MGAT4A: variants seen among roughly 807,000 people sequenced by gnomAD.
The protein encoded by MGAT4A is N-acetylglucosaminyltransferase IVa.
A neutral mutation model predicts 74.1 loss-of-function variants in MGAT4A; 33 were observed. The observed-to-expected ratio is 0.45, with a 90% CI of 0.34 to 0.60. MGAT4A has a LOEUF of 0.60. Ranked by LOEUF, MGAT4A falls within the 20% of genes least tolerant of loss-of-function variation. The probability of loss-of-function intolerance (pLI) is 0.02; values close to 1 mark genes in which losing one functional copy is unlikely to be tolerated. For synonymous variants in MGAT4A, 198 were observed against 210.4 expected, an observed-to-expected ratio of 0.94 and a Z score of 0.51; for missense variants, 479 against 628.3, an observed-to-expected ratio of 0.76 and a Z score of 2.54.
intron 2 of MGAT4A, among the ~76,000 whole-genome samples, chr2:98,692,400 A>G (rs1702208017): frequency 6.6e-6 from 1 of 152,126 alleles, no homozygotes; most frequent in South Asian, 2.1e-4. Context: ...CACTACCCCT[A>G]GCCAGGTTAA....
intron 8 of MGAT4A, among the ~76,000 whole-genome samples, chr2:98,648,007 G>A (rs903323100): frequency 1.3e-5 from 2 of 152,166 alleles, no homozygotes; most frequent in African/African-American, 4.8e-5. Context: ...AATGTCACAG[G>A]TAAAATCTAA....
At chr2:98,695,797 C>G (rs1702264571) in intron 2 of MGAT4A, among the ~76,000 whole-genome samples, 1 of 151,646 alleles carries the variant, frequency 6.6e-6, no homozygotes, top group Admixed American at 6.6e-5. Context: ...TTAACCAGGT[C>G]TGCAAGTGAC....
At chr2:98,725,252 A>C (rs533053328) in intron 2 of MGAT4A, among the ~76,000 whole-genome samples, 2 of 152,304 alleles carry the variant, frequency 1.3e-5, no homozygotes, top group Admixed American at 6.5e-5. Flanking sequence ...AAAGACAAAG[A>C]AGGGGAAAAG....
At chr2:98,683,393 G>C (rs892328419) in intron 2 of MGAT4A, among the ~76,000 whole-genome samples, 5 of 152,152 alleles carry the variant, frequency 3.3e-5, no homozygotes, top group Non-Finnish European at 7.3e-5. Context: ...AATTATTTAG[G>C]GGTAAAGAGG....
chr2:98,707,083 C>T (rs554675923), intron 2 of MGAT4A, among the ~76,000 whole-genome samples: 3 of 152,098 alleles, frequency 2.0e-5, no homozygotes, highest in African/African-American at 7.2e-5. Context: ...GGTGTGGTGG[C>T]GGGTGCCTGT....
chr2:98,716,612 G>A (rs146014691), intron 2 of MGAT4A, among the ~76,000 whole-genome samples: 2 of 152,294 alleles, frequency 1.3e-5, no homozygotes, highest in East Asian at 1.9e-4. Context: ...GCTACAGAGC[G>A]AAACTCCATC....
At chr2:98,647,322 T>C (rs1417071796) in intron 8 of MGAT4A, among the ~76,000 whole-genome samples, 1 of 152,122 alleles carries the variant, frequency 6.6e-6, no homozygotes, top group Non-Finnish European at 1.5e-5. Context: ...TTATTTTTAT[T>C]TTTTATTTTT....
chr2:98,645,743 A>T (rs1701474632), intron 8 of MGAT4A, among the ~76,000 whole-genome samples: 1 of 152,236 alleles, frequency 6.6e-6, no homozygotes, highest in Admixed American at 6.5e-5. Flanking sequence ...AAGTCAACTA[A>T]GCCACTCCTT....
At chr2:98,720,359 G>C (rs913563833) in intron 2 of MGAT4A, among the ~76,000 whole-genome samples, 5 of 152,210 alleles carry the variant, frequency 3.3e-5, no homozygotes, top group African/African-American at 1.2e-4. Context: ...CAAAAAGGTG[G>C]AGGAAGGGCA....
chr2:98,730,881 G>A (rs1455176317), intron 1 of MGAT4A, among the ~76,000 whole-genome samples, 167 bp downstream of exon 1: 2 of 143,258 alleles, frequency 1.4e-5, no homozygotes, highest in African/African-American at 5.1e-5. Context: ...ACAGAGCTCC[G>A]GCCGGGCCGC....
intron 4 of MGAT4A, among the ~76,000 whole-genome samples, chr2:98,670,910 T>C (rs754949097): frequency 1.3e-5 from 2 of 152,202 alleles, no homozygotes; most frequent in Non-Finnish European, 2.9e-5. Flanking sequence ...CAGATCTAAA[T>C]ATCCAACTGC....
chr2:98,689,291 A>G (rs1198289318), intron 2 of MGAT4A, among the ~76,000 whole-genome samples: 1 of 152,250 alleles, frequency 6.6e-6, no homozygotes, highest in African/African-American at 2.4e-5. Context: ...CAGCAAAGAC[A>G]TCTGACAACT....
In MGAT4A at chr2:98,639,913, T is replaced by A; in HGVS notation, c.1217A>T (p.His406Leu). The A allele has an allele frequency of 6.2e-7, 1 of 1,614,184 alleles. No homozygotes were observed. Among genetic ancestry groups the A allele is most frequent in the Non-Finnish European group, 8.5e-7 (1 of 1,180,006 alleles). ...TCCCATGTAAGTTTTCTCCAGCGTATGCCCTTGGTAGACCTTCAAGGAAGT... is the reference window on the plus strand; with the variant it reads ...TCCCATGTAAGTTTTCTCCAGCGTAAGCCCTTGGTAGACCTTCAAGGAAGT... ...VSTSLKVYQG[H>L]TLEKTYMGED... Residue 406 changes from histidine (H) to leucine (L), a missense_variant, in exon 12 of 16, where the codon CAT becomes CTT. Around this residue, in one of 3 missense-constraint regions of MGAT4A, gnomAD observed 236 missense variants for 308.2 expected, o/e 0.77. Coordinates refer to ENST00000393487, the MANE Select transcript of MGAT4A (RefSeq NM_012214.3).
intron 4 of MGAT4A, among the ~76,000 whole-genome samples, chr2:98,673,588 G>A (rs1701939619): frequency 6.6e-6 from 1 of 152,164 alleles, no homozygotes. Flanking sequence ...TTGGAAAGCT[G>A]GTTGACCAAG....
chr2:98,668,150 A>T (rs1245139545), intron 4 of MGAT4A, among the ~76,000 whole-genome samples: 2 of 152,240 alleles, frequency 1.3e-5, no homozygotes, highest in South Asian at 4.1e-4. Context: ...AGTAATGAGG[A>T]ACTGAATGGT....
intron 8 of MGAT4A, among the ~76,000 whole-genome samples, chr2:98,653,957 C>T (rs1701619579): frequency 6.6e-6 from 1 of 152,118 alleles, no homozygotes; most frequent in African/African-American, 2.4e-5. Flanking sequence ...GAATTATATA[C>T]ACCATAACCA....
chr2:98,700,025 A>T (rs1453868805), intron 2 of MGAT4A, among the ~76,000 whole-genome samples: 1 of 152,154 alleles, frequency 6.6e-6, no homozygotes, highest in Non-Finnish European at 1.5e-5. Flanking sequence ...GTTAGTGAGT[A>T]TGCTTCTGCA....
intron 2 of MGAT4A, among the ~76,000 whole-genome samples, chr2:98,686,477 A>G (rs1250396170): frequency 6.6e-6 from 1 of 152,112 alleles, no homozygotes; most frequent in East Asian, 1.9e-4. Context: ...CTGACCTAAT[A>G]AACATAACAC....
chr2:98,652,660 CTG>C (rs1450120126), intron 8 of MGAT4A, among the ~76,000 whole-genome samples: 2 of 150,860 alleles, frequency 1.3e-5, no homozygotes, highest in Non-Finnish European at 3.0e-5. Context: ...GGTTTTCACT[CTG>C]TCACCCAGGC....
Sources: gnomAD v4.1 joint callset for allele counts (sites outside exome capture counted in the v4.1 genomes callset) on GRCh38, gnomAD v4.1.1 for gene constraint, gnomAD v4.1.1 regional missense constraint, MANE v1.5 for transcripts, NCBI Gene and HGNC (gene_info 2026-07-23, HGNC 2026-07-21) for gene names.